The following PEX7 variants were observed in gnomAD, a reference collection of about 807,000 sequenced individuals.
The protein encoded by PEX7 is peroxisomal biogenesis factor 7, also known as PTS2 receptor.
PEX7 carries 34 observed loss-of-function variants against 47.5 expected under a neutral mutation model. The ratio of observed to expected loss-of-function variants is 0.72; its 90% CI spans 0.54 to 0.95. The LOEUF (loss-of-function observed/expected upper bound fraction) is 0.95. Among genes scored for constraint, PEX7 ranks in the 40% least tolerant of loss-of-function variants. PEX7 has a pLI of 0.00. For synonymous variants in PEX7, 141 were observed against 148.8 expected (o/e 0.95, Z 0.38); for missense variants, 394 against 400.3 (o/e 0.98, Z 0.13).
intron 5 of PEX7, among the ~76,000 whole-genome samples, chr6:136,849,740 G>A (rs549750947): frequency 1.5e-4 from 23 of 152,084 alleles, no homozygotes; most frequent in South Asian, 4.2e-4. Flanking sequence ...ATTTCTGTTC[G>A]TTTACATTTG....
At chr6:136,897,477 T>C (rs1775672000) in intron 8 of PEX7, among the ~76,000 whole-genome samples, 1 of 152,204 alleles carries the variant, frequency 6.6e-6, no homozygotes, top group Non-Finnish European at 1.5e-5. Flanking sequence ...CCACTTTCAG[T>C]CTATGGAGGT....
At chr6:136,860,719 T>G (rs561055792) in intron 5 of PEX7, among the ~76,000 whole-genome samples, 28 of 152,118 alleles carry the variant, frequency 1.8e-4, no homozygotes, top group Admixed American at 9.8e-4. Context: ...TCCCAACCTT[T>G]GTTATTGTGT....
At chr6:136,878,421 G>A (rs1775316568) in intron 8 of PEX7, among the ~76,000 whole-genome samples, 1 of 152,192 alleles carries the variant, frequency 6.6e-6, no homozygotes, top group Non-Finnish European at 1.5e-5. Context: ...TGCCCATTCA[G>A]TATGATAGTG....
At chr6:136,860,096 G>A (rs1031540774) in intron 5 of PEX7, among the ~76,000 whole-genome samples, 1 of 152,214 alleles carries the variant, frequency 6.6e-6, no homozygotes, top group South Asian at 2.1e-4. Flanking sequence ...CAATTCAGGT[G>A]AGTCTATGGC....
At chr6:136,894,160 C>CA (rs1220772883) in intron 8 of PEX7, among the ~76,000 whole-genome samples, 10 of 151,882 alleles carry the variant, frequency 6.6e-5, no homozygotes, top group African/African-American at 2.4e-4. Context: ...TAGCTGTCTC[C>CA]AAAAAAAGTA....
intron 7 of PEX7, chr6:136,870,744 C>T (rs1324159274): frequency 1.7e-5 from 7 of 405,690 alleles, no homozygotes; most frequent in Non-Finnish European, 3.4e-5. Flanking sequence ...GGAGTCTTGC[C>T]CTGTCACCCA....
At chr6:136,907,978 C>A (rs1436353387) in intron 9 of PEX7, among the ~76,000 whole-genome samples, 1 of 152,186 alleles carries the variant, frequency 6.6e-6, no homozygotes, top group South Asian at 2.1e-4. Flanking sequence ...TTAGTGAATG[C>A]ATGTTTCTTT....
intron 5 of PEX7, among the ~76,000 whole-genome samples, chr6:136,861,606 T>G (rs1457790074): frequency 1.3e-5 from 2 of 152,088 alleles, no homozygotes; most frequent in African/African-American, 4.8e-5. Flanking sequence ...TTCAGGAGAC[T>G]GACGCTTTAG....
chr6:136,830,090 G>A (rs1774267833), intron 3 of PEX7: 3 of 702,392 alleles, frequency 4.3e-6, no homozygotes, highest in East Asian at 2.7e-5. Context: ...TAATAAAGAC[G>A]TATAGCATGG....
At chr6:136,912,792 A>G (rs9494596) in intron 9 of PEX7, among the ~76,000 whole-genome samples, 78,776 of 152,034 alleles carry the variant, frequency 0.52, 20,442 homozygotes, top group South Asian at 0.58. Context: ...TTAATTTTAT[A>G]CCCGGAGACA....
chr6:136,904,396 G>A (rs1233103908), intron 9 of PEX7, among the ~76,000 whole-genome samples: 4 of 152,138 alleles, frequency 2.6e-5, no homozygotes, highest in African/African-American at 9.7e-5. Context: ...TAGATGGATG[G>A]TATTAGGCTG....
At chr6:136,856,291 T>TA (rs397759780) in intron 5 of PEX7, among the ~76,000 whole-genome samples, 5,294 of 70,570 alleles carry the variant, frequency 0.075, 387 homozygotes, top group African/African-American at 0.22. Context: ...TGGTTGAAAG[T>TA]AAAAAAAAAA....
At chr6:136,889,221 C>G (rs957872134) in intron 8 of PEX7, among the ~76,000 whole-genome samples, 3 of 151,992 alleles carry the variant, frequency 2.0e-5, no homozygotes, top group Non-Finnish European at 4.4e-5. Context: ...CTGGAAAGAT[C>G]TTTTCATGAA....
chr6:136,913,197 T>C (rs1775959956), intron 9 of PEX7, among the ~76,000 whole-genome samples: 1 of 152,220 alleles, frequency 6.6e-6, no homozygotes, highest in African/African-American at 2.4e-5. Context: ...TGGGGGACAT[T>C]CTTATAGGAA....
intron 5 of PEX7, among the ~76,000 whole-genome samples, chr6:136,854,640 A>G (rs1774826409): frequency 6.6e-6 from 1 of 152,206 alleles, no homozygotes; most frequent in South Asian, 2.1e-4. Flanking sequence ...TATTAGTCCA[A>G]GTCGAATTAA....
chr6:136,846,106 T>G lies in PEX7; in HGVS notation c.451T>G (p.Phe151Val), dbSNP rs1774593899. Residue 151 changes from phenylalanine to valine, a missense_variant, in exon 5 of 10, where the codon TTT becomes GTT. Phe to Val is a conservative substitution (Grantham distance 50). Coordinates refer to ENST00000318471, the MANE Select transcript of PEX7 (RefSeq NM_000288.4). ...DPTVGKSLCT[F>V]RGHESIIYST... ...AACTGTTGGAAAGTCTCTGTGCACC[T>G]TTAGAGGCCATGAAAGTATTATTTA... 1.9e-6 allele frequency: 3 copies of G among 1,613,246 alleles called. No homozygotes were observed. The South Asian group carries it at 3.3e-5, about 18-fold the overall frequency.
intron 4 of PEX7, 119 bp from the exon 5 acceptor site, chr6:136,845,954 C>T: frequency 1.4e-6 from 1 of 710,012 alleles, no homozygotes; most frequent in Non-Finnish European, 2.5e-6. Context: ...TCCTTGAGAT[C>T]TGTATATATA....
chr6:136,883,632 C>T (rs111997726), intron 8 of PEX7, among the ~76,000 whole-genome samples: 19 of 152,206 alleles, frequency 1.2e-4, no homozygotes, highest in African/African-American at 3.1e-4. Context: ...TTTACATGCC[C>T]GTTCTAAATG....
chr6:136,854,429 A>C (rs1774822476), intron 5 of PEX7, among the ~76,000 whole-genome samples: 1 of 152,106 alleles, frequency 6.6e-6, no homozygotes, highest in African/African-American at 2.4e-5. Flanking sequence ...TCAGGTGATC[A>C]ACCCGCCTTG....
Sources: gnomAD v4.1 joint callset for allele counts (sites outside exome capture counted in the v4.1 genomes callset) on GRCh38, gnomAD v4.1.1 for gene constraint, MANE v1.5 for transcripts, NCBI Gene and HGNC (gene_info 2026-07-23, HGNC 2026-07-21) for gene names.